The following BRINP3 variants were observed in gnomAD, a reference collection of about 807,000 sequenced individuals.
BRINP3 encodes BMP/retinoic acid-inducible neural-specific protein 3.
In BRINP3, 19 loss-of-function variants were observed where a neutral mutation model predicts 71.0. That is an observed-to-expected ratio of 0.27 (90% CI 0.19 to 0.39). The LOEUF (loss-of-function observed/expected upper bound fraction) is 0.39, where lower values mean the gene tolerates loss of function less well. Ranked by LOEUF, BRINP3 falls within the 10% of genes least tolerant of loss-of-function variation. The probability of loss-of-function intolerance (pLI) is 1.00; values close to 1 mark genes in which losing one functional copy is unlikely to be tolerated. For synonymous variants in BRINP3, 380 were observed against 337.7 expected, an observed-to-expected ratio of 1.13 and a Z score of -1.37; for missense variants, 959 against 940.8, an observed-to-expected ratio of 1.02 and a Z score of -0.25.
intron 6 of BRINP3, among the ~76,000 whole-genome samples, chr1:190,219,269 G>A (rs1467853881): frequency 6.6e-6 from 1 of 152,026 alleles, no homozygotes; most frequent in Admixed American, 6.6e-5. Flanking sequence ...AAAATTGAGT[G>A]ACTGACCCAA....
intron 2 of BRINP3, among the ~76,000 whole-genome samples, chr1:190,343,618 A>G: frequency 6.6e-6 from 1 of 151,844 alleles, no homozygotes; most frequent in South Asian, 2.1e-4. Flanking sequence ...TTACAATAAT[A>G]AAAACCATTA....
At chr1:190,153,728 G>C (rs1056942398) in intron 7 of BRINP3, among the ~76,000 whole-genome samples, 2 of 152,110 alleles carry the variant, frequency 1.3e-5, no homozygotes, top group African/African-American at 4.8e-5. Flanking sequence ...AGCCATGGTG[G>C]CTCATGCCTG....
chr1:190,108,575 A>G (rs1311744186), intron 7 of BRINP3, among the ~76,000 whole-genome samples: 1 of 150,466 alleles, frequency 6.6e-6, no homozygotes, highest in Non-Finnish European at 1.5e-5. Context: ...CAGAATGTAT[A>G]AAATGACTGT....
intron 2 of BRINP3, among the ~76,000 whole-genome samples, chr1:190,413,849 A>G (rs986192964): frequency 1.3e-5 from 2 of 152,238 alleles, no homozygotes; most frequent in African/African-American, 4.8e-5. Context: ...GTTAATTTTA[A>G]AAGTCAATTT....
intron 2 of BRINP3, among the ~76,000 whole-genome samples, chr1:190,403,861 C>CA (rs1210193876): frequency 6.6e-6 from 1 of 152,118 alleles, no homozygotes; most frequent in East Asian, 1.9e-4. Context: ...AACAATTGGA[C>CA]AAATGTTTTC....
chr1:190,426,417 A>C (rs1673711640), intron 2 of BRINP3, among the ~76,000 whole-genome samples: 1 of 151,856 alleles, frequency 6.6e-6, no homozygotes, highest in Admixed American at 6.6e-5. Flanking sequence ...GACCAGAGAT[A>C]TTTCAGATAT....
Position 190,454,859 on chromosome 1 carries a change from A to C in BRINP3, c.32T>G (p.Leu11Trp). The change falls in exon 2 of 8, where the codon TTG becomes TGG. Residue 11 changes from leucine (L) to tryptophan (W), a missense_variant. Leu to Trp is a moderately conservative substitution (Grantham distance 61, BLOSUM62 -2). Transcript: ENST00000367462. The part of the protein sequence containing the change: MIWRSRAGAE[L>W]FSLMALWEWI... ...CTCCCATAGAGCCATCAGAGAGAAC[A>C]ATTCAGCACCAGCTCTGCTTCGCCA... 6.2e-7 allele frequency: 1 copy of C among 1,614,160 alleles called. No homozygotes were observed. The highest frequency in any genetic ancestry group is 1.3e-5 in the African/African-American group (1 of 75,042).
rs181453503 is a variant in BRINP3, at chr1:190,459,517, G to A, written c.-50-4577C>T. ...CTACAAAGATATAAACAAAATATTC[G>A]GAATCACTGAATTAAACTTAATATC... On this transcript the variant is annotated intron_variant, in intron 1 of 7. Transcript: ENST00000367462. Among the ~76,000 whole-genome samples the A allele has an allele frequency of 8.4e-4, 128 of 151,838 alleles. 1 individual carries two copies. The highest frequency in any genetic ancestry group is 1.5e-3 in the Non-Finnish European group (105 of 67,806).
intron 2 of BRINP3, among the ~76,000 whole-genome samples, chr1:190,424,560 C>A (rs1301656634): frequency 6.6e-6 from 1 of 151,550 alleles, no homozygotes; most frequent in East Asian, 1.9e-4. Flanking sequence ...AGTATAACAT[C>A]CCAACTTTGC....
At chr1:190,260,963 A>G (rs1462256403) in intron 4 of BRINP3, among the ~76,000 whole-genome samples, 1 of 152,106 alleles carries the variant, frequency 6.6e-6, no homozygotes, top group Non-Finnish European at 1.5e-5. Context: ...TCAAGAATAC[A>G]AGAAACACAG....
chr1:190,161,314 A>G (rs1650920159), intron 6 of BRINP3, among the ~76,000 whole-genome samples: 1 of 151,998 alleles, frequency 6.6e-6, no homozygotes, highest in East Asian at 1.9e-4. Flanking sequence ...AGAAATTTTT[A>G]TTAAATCAGA....
chr1:190,151,062 G>A (rs1248590339), intron 7 of BRINP3, among the ~76,000 whole-genome samples: 3 of 152,016 alleles, frequency 2.0e-5, no homozygotes, highest in Admixed American at 6.6e-5. Context: ...CCATAGAATC[G>A]CTTGAACCTG....
At position 190,462,792 on chromosome 1, in the gene BRINP3, C is replaced by A. The variant is rs185945962; in HGVS notation, c.-50-7852G>T. ...GTACTCTACTGTAACCTAAAAATAACCAATTGCAAATTGAAAGTTATTTCT... is the reference window on the plus strand; with the variant it reads ...GTACTCTACTGTAACCTAAAAATAAACAATTGCAAATTGAAAGTTATTTCT... On this transcript the variant is annotated intron_variant, in intron 1 of 7. Coordinates refer to ENST00000367462, the MANE Select transcript of BRINP3 (RefSeq NM_199051.3). Among the ~76,000 whole-genome samples, 527 of 152,062 alleles carry A rather than the reference C, an allele frequency of 3.5e-3. 1 individual carries two copies. Among genetic ancestry groups the A allele is most frequent in the African/African-American group, 0.012 (502 of 41,524 alleles).
chr1:190,129,526 C>T (rs1374700823), intron 7 of BRINP3, among the ~76,000 whole-genome samples: 1 of 151,864 alleles, frequency 6.6e-6, no homozygotes, highest in Admixed American at 6.6e-5. Flanking sequence ...TAGAAAAGAA[C>T]AGGTGCAGTT....
At chr1:190,387,004 C>G (rs1480952167) in intron 2 of BRINP3, among the ~76,000 whole-genome samples, 1 of 151,916 alleles carries the variant, frequency 6.6e-6, no homozygotes, top group African/African-American at 2.4e-5. Flanking sequence ...AATGTCACCT[C>G]TTAGTGTTAA....
chr1:190,352,674 G>A (rs1379936870), intron 2 of BRINP3, among the ~76,000 whole-genome samples: 1 of 151,852 alleles, frequency 6.6e-6, no homozygotes, highest in East Asian at 1.9e-4. Context: ...ATAACCTAAT[G>A]TGTACTCTGT....
At chr1:190,132,097 C>G (rs754744906) in intron 7 of BRINP3, among the ~76,000 whole-genome samples, 2 of 151,964 alleles carry the variant, frequency 1.3e-5, no homozygotes, top group Non-Finnish European at 2.9e-5. Flanking sequence ...ATGGAATACT[C>G]AGGACCTATG....
chr1:190,129,221 C>A (rs1050298601), intron 7 of BRINP3, among the ~76,000 whole-genome samples: 7 of 151,826 alleles, frequency 4.6e-5, no homozygotes, highest in Admixed American at 3.3e-4. Context: ...ATAAACAAAT[C>A]CTATTTTTTT....
rs1216759746 is a variant in BRINP3 at position 190,097,914 on chromosome 1, G to C, written c.*104C>G. The C allele has an allele frequency of 8.1e-7, 1 of 1,234,658 alleles. No homozygotes were observed. Among genetic ancestry groups the C allele is most frequent in the African/African-American group, 1.5e-5 (1 of 66,126 alleles). 76.5% of individuals were successfully genotyped at this position (1,234,658 alleles called of 1,614,324 possible). On this transcript the variant is annotated 3_prime_UTR_variant, in exon 8 of 8. Transcript: ENST00000367462. ...CAATGTTATTGACTGATATAAGACAGATATTGAAAAGACAATTTAAATTTA... is the reference window on the plus strand; with the variant it reads ...CAATGTTATTGACTGATATAAGACACATATTGAAAAGACAATTTAAATTTA...
Sources: allele counts gnomAD v4.1 joint callset (sites outside exome capture counted in the v4.1 genomes callset), GRCh38; gene constraint gnomAD v4.1.1; transcripts MANE v1.5; gene names NCBI Gene and HGNC (gene_info 2026-07-23, HGNC 2026-07-21).